Variants in CTNNA3 observed in about 807,000 individuals in gnomAD.
The protein encoded by CTNNA3 is catenin alpha-3.
In CTNNA3, 76 loss-of-function variants were observed where a neutral mutation model predicts 95.7. That is an observed-to-expected ratio of 0.79 (90% CI 0.66 to 0.96). CTNNA3 has a LOEUF of 0.96. CTNNA3 is among the 40% of genes least tolerant of loss of function. CTNNA3 has a pLI of 0.00. For missense variants in CTNNA3, 1,191 were observed against 1,089.8 expected (o/e 1.09, Z -1.31); for synonymous variants, 431 against 374.4 (o/e 1.15, Z -1.74).
At chr10:67,553,942 G>A (rs779763514) in intron 3 of CTNNA3, among the ~76,000 whole-genome samples, 6 of 152,006 alleles carry the variant, frequency 3.9e-5, no homozygotes, top group Non-Finnish European at 7.4e-5. Context: ...CCAGTGTGTG[G>A]TGTTCCCCAC....
Position 67,125,895 on chromosome 10 carries a change from A to G in CTNNA3, c.1047+54422T>C, listed in dbSNP as rs901557814. 4.6e-5 allele frequency among the ~76,000 whole-genome samples: 7 copies of G among 152,294 alleles called. No individual in the cohort carries two copies. The East Asian group carries it at 1.2e-3, about 25-fold the overall frequency. ...AGTATTTCTGATGCTCAACTAGAAA[A>G]AACTGGCTATTGAACTTACTGAGAC... is the stretch of plus-strand genomic sequence containing the variant. On this transcript the variant is annotated intron_variant, in intron 7 of 17. Coordinates refer to ENST00000433211, the MANE Select transcript of CTNNA3 (RefSeq NM_013266.4).
chr10:66,423,752 G>C (rs1030058619), intron 11 of CTNNA3, among the ~76,000 whole-genome samples: 6 of 152,144 alleles, frequency 3.9e-5, no homozygotes, highest in Admixed American at 1.3e-4. Context: ...AATACTCTCA[G>C]TCTGTAAGAG....
At chr10:66,169,987 G>A (rs1162379074) in intron 13 of CTNNA3, among the ~76,000 whole-genome samples, 1 of 152,062 alleles carries the variant, frequency 6.6e-6, no homozygotes, top group African/African-American at 2.4e-5. Context: ...TTACTCTGCT[G>A]ACTATTTCTT....
At chr10:67,708,029 G>A (rs140597769) in intron 1 of CTNNA3, among the ~76,000 whole-genome samples, 7 of 152,150 alleles carry the variant, frequency 4.6e-5, no homozygotes, top group African/African-American at 1.7e-4. Context: ...ATGTCAGTCC[G>A]GGTGAATTTA....
chr10:66,917,904 A>G (rs1324996784), intron 7 of CTNNA3, among the ~76,000 whole-genome samples: 1 of 152,194 alleles, frequency 6.6e-6, no homozygotes, highest in Non-Finnish European at 1.5e-5. Context: ...AAAACATCAA[A>G]TATTAAGGTA....
At chr10:66,981,401 CT>C (rs1183980843) in intron 7 of CTNNA3, among the ~76,000 whole-genome samples, 1 of 152,234 alleles carries the variant, frequency 6.6e-6, no homozygotes, top group East Asian at 1.9e-4. Context: ...CTGCACTCTT[CT>C]GGATTTTGAG....
chr10:67,511,987 G>T (rs542875242), intron 5 of CTNNA3, among the ~76,000 whole-genome samples: 1 of 152,252 alleles, frequency 6.6e-6, no homozygotes, highest in African/African-American at 2.4e-5. Flanking sequence ...TTGCGTAGAG[G>T]TGTTTATAGT....
chr10:67,228,354 C>G (rs1865025224), intron 5 of CTNNA3, among the ~76,000 whole-genome samples: 2 of 152,166 alleles, frequency 1.3e-5, no homozygotes, highest in South Asian at 4.1e-4. Flanking sequence ...GTGGCTCACG[C>G]CGGTAATCCC....
rs527434511 is a variant in CTNNA3, at chr10:67,741,859, G to C, written c.-2+21575C>G. Among the ~76,000 whole-genome samples the C allele has an allele frequency of 6.0e-5, 9 of 151,182 alleles. 1 individual carries two copies. The highest frequency in any genetic ancestry group is 1.3e-4 in the Non-Finnish European group (9 of 67,704). On this transcript the variant is annotated intron_variant, in intron 1 of 17. Transcript: ENST00000684154. ...AAAAAAGGCAGGTGTTGCAATCCTA[G>C]TCTCTGATAAAACAGACTTTAAACC... is the stretch of plus-strand genomic sequence containing the variant.
upstream of CTNNA3, among the ~76,000 whole-genome samples, chr10:67,700,372 C>A (rs960157048): frequency 5.9e-5 from 9 of 152,118 alleles, no homozygotes; most frequent in Non-Finnish European, 1.2e-4. Context: ...CTGGGAGGCA[C>A]CCCCCAGTAG....
In CTNNA3 at chr10:66,520,624, A is replaced by T; in HGVS notation, c.1524T>A (p.Ala508=). The T allele has an allele frequency of 3.1e-6, 5 of 1,603,438 alleles. No homozygotes were observed. The highest frequency in any genetic ancestry group is 3.4e-6 in the Non-Finnish European group (4 of 1,174,708). ...DDITSIDDFL[A]VSESHILEDV... ...AAAAGAATAAAAACATACCAGATAC[A>T]GCAAGGAAGTCATCAATGCTTGTAA... The change falls in exon 11 of 18, where the codon GCT becomes GCA. Residue 508 remains alanine (A), a synonymous_variant. Transcript: ENST00000433211.
chr10:66,503,620 C>T (rs985726952), intron 11 of CTNNA3, among the ~76,000 whole-genome samples: 6 of 152,034 alleles, frequency 3.9e-5, no homozygotes, highest in African/African-American at 1.4e-4. Context: ...AGGCACATGC[C>T]ACCATGCCTG....
intron 7 of CTNNA3, among the ~76,000 whole-genome samples, chr10:66,921,283 C>T (rs1289648861): frequency 6.6e-6 from 1 of 152,150 alleles, no homozygotes; most frequent in East Asian, 1.9e-4. Context: ...CTCACAAATG[C>T]TCTATCTCCA....
intron 15 of CTNNA3, among the ~76,000 whole-genome samples, chr10:66,007,211 G>A (rs910682423): frequency 2.6e-5 from 4 of 152,040 alleles, no homozygotes; most frequent in African/African-American, 7.3e-5. Context: ...ATTGAATTAC[G>A]ATATTGTGCA....
intron 9 of CTNNA3, among the ~76,000 whole-genome samples, chr10:66,669,134 A>G (rs1846566591): frequency 6.6e-6 from 1 of 152,184 alleles, no homozygotes; most frequent in Non-Finnish European, 1.5e-5. Flanking sequence ...TTTTTACAAT[A>G]TGCTGTATGC....
intron 13 of CTNNA3, among the ~76,000 whole-genome samples, chr10:66,110,118 T>G (rs1038696878): frequency 6.6e-6 from 1 of 151,934 alleles, no homozygotes; most frequent in Admixed American, 6.6e-5. Flanking sequence ...CCCAGAACTT[T>G]GGGAGGCAAA....
At chr10:67,731,179 A>C (rs899662191) in intron 1 of CTNNA3, among the ~76,000 whole-genome samples, 30 of 152,218 alleles carry the variant, frequency 2.0e-4, no homozygotes, top group African/African-American at 6.3e-4. Context: ...CCAGAATGAG[A>C]CATGAAGTTG....
At chr10:66,284,242 C>G (rs1358163947) in intron 12 of CTNNA3, among the ~76,000 whole-genome samples, 1 of 151,950 alleles carries the variant, frequency 6.6e-6, no homozygotes, top group African/African-American at 2.4e-5. Context: ...CTACCATTCT[C>G]ACTCATCTTG....
intron 7 of CTNNA3, among the ~76,000 whole-genome samples, chr10:66,974,068 A>C (rs576754960): frequency 4.5e-4 from 68 of 152,338 alleles, no homozygotes; most frequent in African/African-American, 1.6e-3. Flanking sequence ...TCACCAAAAA[A>C]GTTGCCCTGA....
Sources: allele counts gnomAD v4.1 joint callset (sites outside exome capture counted in the v4.1 genomes callset), GRCh38; gene constraint gnomAD v4.1.1; transcripts MANE v1.5; gene names NCBI Gene and HGNC (gene_info 2026-07-23, HGNC 2026-07-21).